The following LRP1B variants were observed in gnomAD, a reference collection of about 807,000 sequenced individuals.
The protein encoded by LRP1B is LDL receptor related protein 1B.
A neutral mutation model predicts 556.6 loss-of-function variants in LRP1B; 217 were observed. The observed-to-expected ratio is 0.39, with a 90% CI of 0.35 to 0.44. LRP1B has a LOEUF of 0.44. Ranked by LOEUF, LRP1B falls within the 20% of genes least tolerant of loss-of-function variation. LRP1B has a pLI of 1.00. For synonymous variants in LRP1B, 2,047 were observed against 1,865.8 expected, an observed-to-expected ratio of 1.10 and a Z score of -2.50; for missense variants, 5,053 against 5,620.8, an observed-to-expected ratio of 0.90 and a Z score of 3.23.
At chr2:141,158,181 A>G (rs758068459) in intron 7 of LRP1B, among the ~76,000 whole-genome samples, 10 of 152,262 alleles carry the variant, frequency 6.6e-5, no homozygotes, top group Non-Finnish European at 1.3e-4. Context: ...CTTTTTAACC[A>G]GTTGAATTAA....
intron 41 of LRP1B, among the ~76,000 whole-genome samples, chr2:140,624,265 T>C (rs1683571069): frequency 1.3e-5 from 2 of 152,064 alleles, no homozygotes; most frequent in Admixed American, 6.6e-5. Flanking sequence ...AGACTGTATA[T>C]ACCATGCAAA....
intron 7 of LRP1B, among the ~76,000 whole-genome samples, chr2:141,062,914 A>C (rs1194702606): frequency 6.6e-6 from 1 of 151,798 alleles, no homozygotes; most frequent in Non-Finnish European, 1.5e-5. Context: ...TTTTTTCTTA[A>C]TATTTATTTT....
At chr2:141,686,863 C>A (rs1005635644) in intron 2 of LRP1B, among the ~76,000 whole-genome samples, 1 of 151,894 alleles carries the variant, frequency 6.6e-6, no homozygotes, top group African/African-American at 2.4e-5. Flanking sequence ...CCTGAGCTGG[C>A]AGGTTAGCAT....
At chr2:140,290,239 A>G (rs1266145579) in intron 84 of LRP1B, among the ~76,000 whole-genome samples, 1 of 152,060 alleles carries the variant, frequency 6.6e-6, no homozygotes, top group Non-Finnish European at 1.5e-5. Context: ...TAGGGGGATT[A>G]AAGAGGTTTA....
chr2:140,493,581 CT>C (rs56341624), intron 56 of LRP1B, among the ~76,000 whole-genome samples: 68,307 of 151,262 alleles, frequency 0.45, 15,701 homozygotes, highest in Middle Eastern at 0.61. Context: ...ATTTTAACAT[CT>C]TTTTTTTAAG....
At chr2:141,098,849 G>A (rs1310404663) in intron 7 of LRP1B, among the ~76,000 whole-genome samples, 1 of 152,116 alleles carries the variant, frequency 6.6e-6, no homozygotes, top group East Asian at 1.9e-4. Context: ...TAGATATGGA[G>A]TTTCTCCATG....
chr2:140,304,377 T>A (rs1242443234), intron 83 of LRP1B, among the ~76,000 whole-genome samples: 2 of 152,188 alleles, frequency 1.3e-5, no homozygotes, highest in African/African-American at 4.8e-5. Context: ...GGTATCTCAC[T>A]GTGGTTTTGA....
At chr2:140,310,376 C>A in intron 83 of LRP1B, among the ~76,000 whole-genome samples, 2 of 139,472 alleles carry the variant, frequency 1.4e-5, no homozygotes, top group Non-Finnish European at 3.1e-5. Flanking sequence ...CCATTTTTCC[C>A]AGAATTAGAA....
At chr2:140,946,498 G>A (rs1158202634) in intron 20 of LRP1B, among the ~76,000 whole-genome samples, 1 of 152,058 alleles carries the variant, frequency 6.6e-6, no homozygotes, top group African/African-American at 2.4e-5. Context: ...CTACTTGGGA[G>A]GCTGAGGCAT....
chr2:141,113,836 T>G (rs1700813825), intron 7 of LRP1B, among the ~76,000 whole-genome samples: 1 of 152,190 alleles, frequency 6.6e-6, no homozygotes, highest in Non-Finnish European at 1.5e-5. Flanking sequence ...CTTATACTAC[T>G]TATTGGTAGC....
At chr2:141,150,558 A>G (rs1422419905) in intron 7 of LRP1B, among the ~76,000 whole-genome samples, 1 of 152,198 alleles carries the variant, frequency 6.6e-6, no homozygotes, top group Non-Finnish European at 1.5e-5. Flanking sequence ...AGTCCAATTC[A>G]TATTTCTTTG....
intron 11 of LRP1B, among the ~76,000 whole-genome samples, chr2:141,030,886 C>T (rs1453122794): frequency 2.6e-5 from 4 of 151,890 alleles, no homozygotes; most frequent in Admixed American, 2.6e-4. Context: ...AGTCATCACT[C>T]ATTTTTTTGA....
In LRP1B at chr2:140,938,752, G is replaced by T. The variant is rs533635768; in HGVS notation, c.3136+11483C>A. 1.1e-3 allele frequency among the ~76,000 whole-genome samples: 172 copies of T among 152,114 alleles called. 1 individual carries two copies. Among genetic ancestry groups the T allele is most frequent in the Admixed American group, 3.0e-3 (46 of 15,258 alleles). On this transcript the variant is annotated intron_variant, in intron 20 of 90. Transcript: ENST00000389484. ...ATATAAAATGTCGGACAATTAGTGG[G>T]TCACTAACATACATTAACTCCCTTT...
intron 32 of LRP1B, among the ~76,000 whole-genome samples, chr2:140,799,542 C>T (rs1180667429): frequency 1.3e-5 from 2 of 152,176 alleles, no homozygotes; most frequent in African/African-American, 4.8e-5. Context: ...ATTTTTAATT[C>T]CTGCATAATA....
intron 3 of LRP1B, among the ~76,000 whole-genome samples, chr2:141,457,724 T>C (rs1681686484): frequency 6.6e-6 from 1 of 152,030 alleles, no homozygotes; most frequent in Admixed American, 6.6e-5. Flanking sequence ...GAAAGAAAGG[T>C]AGCAGCAAGT....
At chr2:142,015,121 T>C (rs1333279901) in intron 1 of LRP1B, among the ~76,000 whole-genome samples, 1 of 152,178 alleles carries the variant, frequency 6.6e-6, no homozygotes, top group East Asian at 1.9e-4. Context: ...CTGAAGTTAC[T>C]TTTATAAATA....
In LRP1B at chr2:140,890,151, T is replaced by C. The variant is rs996833070; in HGVS notation, c.3767-3816A>G. Among the ~76,000 whole-genome samples the C allele has an allele frequency of 2.0e-5, 3 of 149,192 alleles. No individual in the cohort carries two copies. In the South Asian group the frequency reaches 6.6e-4, roughly 33 times the overall value. On this transcript the variant is annotated intron_variant, in intron 23 of 90. Transcript: ENST00000389484. ...ATGGGTACATAATGTATATAACTTG[T>C]GTATATATAAAAGCACAGTGTTAAA...
intron 1 of LRP1B, among the ~76,000 whole-genome samples, chr2:141,913,663 T>C (rs1487459401): frequency 1.3e-5 from 2 of 152,148 alleles, no homozygotes; most frequent in African/African-American, 4.8e-5. Flanking sequence ...AAGATTTCGG[T>C]GTAGGTAGGA....
chr2:141,296,620 G>A (rs1045843845), intron 3 of LRP1B, among the ~76,000 whole-genome samples: 1 of 152,188 alleles, frequency 6.6e-6, no homozygotes, highest in Non-Finnish European at 1.5e-5. Context: ...GTTTATGATA[G>A]ATGCTCAACA....
Sources: allele counts gnomAD v4.1 joint callset (sites outside exome capture counted in the v4.1 genomes callset), GRCh38; gene constraint gnomAD v4.1.1; transcripts MANE v1.5; gene names NCBI Gene and HGNC (gene_info 2026-07-23, HGNC 2026-07-21).